Variants in MAN1A2 observed in about 807,000 individuals in gnomAD.
The protein encoded by MAN1A2 is mannosyl-oligosaccharide 1,2-alpha-mannosidase IB.
MAN1A2 carries 26 observed loss-of-function variants against 75.7 expected under a neutral mutation model. The ratio of observed to expected loss-of-function variants is 0.34; its 90% CI spans 0.25 to 0.48. The LOEUF (loss-of-function observed/expected upper bound fraction) is 0.48. MAN1A2 is among the 20% of genes least tolerant of loss of function. The probability of loss-of-function intolerance (pLI) is 0.99; values close to 1 mark genes in which losing one functional copy is unlikely to be tolerated. For missense variants in MAN1A2, 562 were observed against 775.5 expected (o/e 0.72, Z 3.27); for synonymous variants, 247 against 264.6 (o/e 0.93, Z 0.65).
intron 11 of MAN1A2, among the ~76,000 whole-genome samples, chr1:117,502,041 A>G (rs981113148): frequency 6.6e-6 from 1 of 151,738 alleles, no homozygotes; most frequent in Non-Finnish European, 1.5e-5. Context: ...GATTCAGTAT[A>G]TTTTATTTAG....
rs544296941 is a variant in MAN1A2 at position 117,387,125 on chromosome 1, A to G, written c.303-15061A>G. 7.3e-4 allele frequency among the ~76,000 whole-genome samples: 111 copies of G among 152,108 alleles called. 1 individual carries two copies. Among genetic ancestry groups the G allele is most frequent in the Middle Eastern group, 3.4e-3 (1 of 294 alleles). ...AGATGTATAAATAGCCAATAAACAC[A>G]TGAAAAGATGCTCAACACCACTAAT... On this transcript the variant is annotated intron_variant, in intron 1 of 12. Transcript: ENST00000356554.
chr1:117,510,756 G>A (rs966845615), intron 12 of MAN1A2, among the ~76,000 whole-genome samples: 1 of 152,040 alleles, frequency 6.6e-6, no homozygotes, highest in African/African-American at 2.4e-5. Flanking sequence ...TTGTATGCTA[G>A]GGCTGCATCA....
At chr1:117,451,019 G>T (rs1301717548) in intron 6 of MAN1A2, among the ~76,000 whole-genome samples, 2 of 152,218 alleles carry the variant, frequency 1.3e-5, no homozygotes, top group Non-Finnish European at 2.9e-5. Flanking sequence ...ACCCCAAAAT[G>T]GTAGATCCAC....
At chr1:117,489,768 A>G (rs760107546) in intron 8 of MAN1A2, among the ~76,000 whole-genome samples, 6 of 152,088 alleles carry the variant, frequency 3.9e-5, no homozygotes, top group Non-Finnish European at 7.4e-5. Flanking sequence ...ATGATTAATC[A>G]TCCACAAGTG....
At chr1:117,438,711 AT>A (rs894813377) in intron 5 of MAN1A2, among the ~76,000 whole-genome samples, 8 of 152,192 alleles carry the variant, frequency 5.3e-5, no homozygotes, top group African/African-American at 1.7e-4. Context: ...TTGTGTTAAA[AT>A]TACCTACAAC....
intron 2 of MAN1A2, among the ~76,000 whole-genome samples, chr1:117,405,148 GT>G (rs1647572867): frequency 6.6e-6 from 1 of 152,202 alleles, no homozygotes. Flanking sequence ...AGCAGAGTTA[GT>G]TTGTTGATCT....
intron 6 of MAN1A2, among the ~76,000 whole-genome samples, chr1:117,453,866 A>G (rs1457836704): frequency 6.6e-6 from 1 of 152,156 alleles, no homozygotes; most frequent in Non-Finnish European, 1.5e-5. Flanking sequence ...TCAATACAGC[A>G]GACTTTATTG....
At chr1:117,458,523 A>ATTTT (rs5777311) in intron 6 of MAN1A2, among the ~76,000 whole-genome samples, 7 of 105,610 alleles carry the variant, frequency 6.6e-5, no homozygotes, top group Admixed American at 9.7e-5. Flanking sequence ...ATATATATAT[A>ATTTT]TTTTTTTTTT....
Position 117,402,323 on chromosome 1 carries a change from A to T in MAN1A2, c.440A>T (p.Glu147Val). Residue 147 changes from glutamate (E) to valine (V), a missense_variant, in exon 2 of 13, where the codon GAA becomes GTA. By Grantham distance (121) the Glu-to-Val change is moderately radical. Transcript: ENST00000356554. Reference sequence around the variant, plus strand: ...ACAGAGAAAAATAAGGTAGTCCAAGAAATGAAGATAAAAGAGAACAAGCCA... The same window carrying T: ...ACAGAGAAAAATAAGGTAGTCCAAGTAATGAAGATAAAAGAGAACAAGCCA... ...IQTEKNKVVQ[E>V]MKIKENKPLP... 1 of 1,613,884 alleles carries T rather than the reference A, an allele frequency of 6.2e-7. No individual in the cohort carries two copies. Among genetic ancestry groups the T allele is most frequent in the Non-Finnish European group, 8.5e-7 (1 of 1,179,844 alleles).
At chr1:117,450,395 G>T (rs906784312) in intron 6 of MAN1A2, among the ~76,000 whole-genome samples, 8 of 152,288 alleles carry the variant, frequency 5.3e-5, no homozygotes, top group African/African-American at 1.9e-4. Context: ...TTTTATAAGG[G>T]AAGCAGAGCA....
intron 5 of MAN1A2, among the ~76,000 whole-genome samples, chr1:117,420,856 C>A (rs1648163529): frequency 6.6e-6 from 1 of 152,000 alleles, no homozygotes; most frequent in African/African-American, 2.4e-5. Context: ...CATCACAGAT[C>A]CTAGCTTTAT....
intron 8 of MAN1A2, among the ~76,000 whole-genome samples, chr1:117,490,942 AT>A (rs34368690): frequency 0.076 from 11,593 of 152,140 alleles, 493 homozygotes; most frequent in Middle Eastern, 0.15. Flanking sequence ...GCTCTCTTCA[AT>A]TCTGTGAATG....
At chr1:117,410,307 T>C (rs571696007) in intron 3 of MAN1A2, among the ~76,000 whole-genome samples, 17 of 151,974 alleles carry the variant, frequency 1.1e-4, no homozygotes, top group South Asian at 2.1e-4. Context: ...GTTTAAGATA[T>C]CAGTATAATA....
intron 5 of MAN1A2, among the ~76,000 whole-genome samples, chr1:117,436,064 A>C (rs566627573): frequency 6.6e-5 from 10 of 152,336 alleles, no homozygotes; most frequent in South Asian, 2.1e-4. Flanking sequence ...TTTCAAAAAA[A>C]AATGTATATG....
intron 1 of MAN1A2, among the ~76,000 whole-genome samples, chr1:117,375,847 A>T (rs901151654): frequency 6.6e-6 from 1 of 151,968 alleles, no homozygotes; most frequent in Non-Finnish European, 1.5e-5. Flanking sequence ...AAGAGTTCAG[A>T]TAAGTTATTC....
chr1:117,429,959 C>T (rs542063144), intron 5 of MAN1A2, among the ~76,000 whole-genome samples: 193 of 76,070 alleles, frequency 2.5e-3, no homozygotes, highest in African/African-American at 9.5e-3. Flanking sequence ...CACCTCCAGA[C>T]GGGGCGGCTG....
chr1:117,459,692 A>G lies in MAN1A2; in HGVS notation c.951-797A>G, dbSNP rs986651615. ...GATTAAAAAAATAAAACGCAAGAGC[A>G]TATTCTAGAGATTATATCTGCACAA... On this transcript the variant is annotated intron_variant, in intron 6 of 12. Coordinates refer to ENST00000356554, the MANE Select transcript of MAN1A2 (RefSeq NM_006699.5). Among the ~76,000 whole-genome samples the G allele has an allele frequency of 3.9e-5, 6 of 152,336 alleles. No individual in the cohort carries two copies. In the East Asian group the frequency reaches 1.2e-3, roughly 29 times the overall value.
chr1:117,425,632 C>T (rs1013457080), intron 5 of MAN1A2, among the ~76,000 whole-genome samples: 1 of 152,180 alleles, frequency 6.6e-6, no homozygotes, highest in Non-Finnish European at 1.5e-5. Flanking sequence ...ACAGAAACAT[C>T]TGACAACATG....
chr1:117,525,946 G>A lies in MAN1A2; in HGVS notation c.*2989G>A, dbSNP rs1055911336. 6.6e-6 allele frequency: 1 copy of A among 151,602 alleles called. No homozygotes were observed. Among genetic ancestry groups the A allele is most frequent in the Non-Finnish European group, 1.5e-5 (1 of 67,760 alleles). The allele number at this position is 151,602 out of a possible 1,614,324, so 9.4% of individuals were successfully genotyped here. ...GTAAAATAAAACCTGGGTATCGAAGGGAAATGCATTCTTTTTATGGAGTAT... is the reference window on the plus strand; with the variant it reads ...GTAAAATAAAACCTGGGTATCGAAGAGAAATGCATTCTTTTTATGGAGTAT... On this transcript the variant is annotated 3_prime_UTR_variant, in exon 13 of 13. Coordinates refer to ENST00000356554, the MANE Select transcript of MAN1A2 (RefSeq NM_006699.5).
Sources: gnomAD v4.1 joint callset for allele counts (sites outside exome capture counted in the v4.1 genomes callset) on GRCh38, gnomAD v4.1.1 for gene constraint, MANE v1.5 for transcripts, NCBI Gene and HGNC (gene_info 2026-07-23, HGNC 2026-07-21) for gene names.